Variants in ARB2A observed in about 807,000 individuals in gnomAD.
ARB2A encodes the protein cotranscriptional regulator ARB2A.
chr5:94,060,630 A>C, the ARB2A span, among the ~76,000 whole-genome samples: 3 of 152,308 alleles, frequency 2.0e-5, no homozygotes, highest in East Asian at 3.9e-4. Context: ...CAGTAAATAA[A>C]ACAGAGGTAA....
At chr5:93,695,154 G>A in the ARB2A span, among the ~76,000 whole-genome samples, 68 of 151,696 alleles carry the variant, frequency 4.5e-4, no homozygotes, top group African/African-American at 1.5e-3. Context: ...CTAAAACACC[G>A]AAAGCAATGG....
chr5:93,642,208 T>C, the ARB2A span, among the ~76,000 whole-genome samples: 6 of 151,842 alleles, frequency 4.0e-5, no homozygotes, highest in South Asian at 2.1e-4. Flanking sequence ...TTTTTTTTTT[T>C]TGGAGTAGGG....
chr5:93,828,882 T>C, the ARB2A span, among the ~76,000 whole-genome samples: 2 of 152,154 alleles, frequency 1.3e-5, no homozygotes, highest in African/African-American at 2.4e-5. Context: ...GTTCAAGCGA[T>C]TTTCCTGCCT....
the ARB2A span, among the ~76,000 whole-genome samples, chr5:93,840,827 G>A: frequency 1.3e-5 from 2 of 152,106 alleles, no homozygotes; most frequent in Non-Finnish European, 2.9e-5. Context: ...AGTCTGTGTG[G>A]TTCTAGTGTT....
chr5:94,060,698 G>C, the ARB2A span, among the ~76,000 whole-genome samples: 5 of 152,028 alleles, frequency 3.3e-5, no homozygotes, highest in Non-Finnish European at 7.4e-5. Flanking sequence ...TCTAGACAAA[G>C]ACAGTACAAA....
At chr5:93,830,313 A>ATGTGTGTGTATG in the ARB2A span, among the ~76,000 whole-genome samples, 2 of 51,362 alleles carry the variant, frequency 3.9e-5, no homozygotes, top group African/African-American at 1.0e-4. Flanking sequence ...GTGTGTGTGT[A>ATGTGTGTGTATG]TATATATATA....
the ARB2A span, among the ~76,000 whole-genome samples, chr5:93,767,361 T>C: frequency 6.6e-6 from 1 of 152,066 alleles, no homozygotes; most frequent in Non-Finnish European, 1.5e-5. Context: ...AGAACGGCCA[T>C]GATACAAAAA....
chr5:94,096,920 G>A, the ARB2A span, among the ~76,000 whole-genome samples: 1 of 152,138 alleles, frequency 6.6e-6, no homozygotes, highest in Non-Finnish European at 1.5e-5. Flanking sequence ...AAACAGGCGT[G>A]GAATGGCCTA....
the ARB2A span, among the ~76,000 whole-genome samples, chr5:93,829,911 C>T: frequency 6.6e-6 from 1 of 152,286 alleles, no homozygotes; most frequent in African/African-American, 2.4e-5. Flanking sequence ...CAGCATTCCA[C>T]TTCTTGTCTG....
chr5:94,059,043 C>T, the ARB2A span, among the ~76,000 whole-genome samples: 4 of 152,142 alleles, frequency 2.6e-5, no homozygotes, highest in African/African-American at 9.6e-5. Context: ...CAGAAGGAGA[C>T]ATCAGCACTA....
the ARB2A span, among the ~76,000 whole-genome samples, chr5:94,035,998 A>T: frequency 2.0e-5 from 3 of 151,954 alleles, no homozygotes; most frequent in Non-Finnish European, 4.4e-5. Context: ...CCCAGAACTT[A>T]AAGTATTAAA....
At chr5:94,046,457 G>A in the ARB2A span, among the ~76,000 whole-genome samples, 1 of 152,032 alleles carries the variant, frequency 6.6e-6, no homozygotes, top group East Asian at 1.9e-4. Context: ...GTGGGGTGGG[G>A]GGATAACCTT....
chr5:94,075,912 C>T, the ARB2A span, among the ~76,000 whole-genome samples: 1 of 152,100 alleles, frequency 6.6e-6, no homozygotes, highest in Non-Finnish European at 1.5e-5. Flanking sequence ...CTAAGAACTA[C>T]CGATGAGCCC....
the ARB2A span, among the ~76,000 whole-genome samples, chr5:93,940,908 G>A: frequency 6.6e-6 from 1 of 151,606 alleles, no homozygotes; most frequent in Non-Finnish European, 1.5e-5. Context: ...GAAACTCAGG[G>A]GATAAGCTGA....
At chr5:94,020,810 A>T in the ARB2A span, among the ~76,000 whole-genome samples, 18,317 of 152,226 alleles carry the variant, frequency 0.12, 1,251 homozygotes, top group Middle Eastern at 0.16. Context: ...CATTTAGATA[A>T]GATTTTGGAA....
chr5:93,827,369 T>G, the ARB2A span, among the ~76,000 whole-genome samples: 1 of 152,222 alleles, frequency 6.6e-6, no homozygotes, highest in Non-Finnish European at 1.5e-5. Flanking sequence ...TTTTTTCATG[T>G]GTCTTTTGGC....
the ARB2A span, among the ~76,000 whole-genome samples, chr5:93,860,453 T>TA: frequency 1.4e-4 from 21 of 145,348 alleles, no homozygotes; most frequent in Admixed American, 5.5e-4. Flanking sequence ...ATTCCAGAAG[T>TA]AAAAAAAAAA....
the ARB2A span, among the ~76,000 whole-genome samples, chr5:93,869,042 ATTGGGCTCAAATCTTGGT>A: frequency 6.6e-6 from 1 of 152,224 alleles, no homozygotes; most frequent in African/African-American, 2.4e-5. Flanking sequence ...TGCAGTCAGA[ATTGGGCTCAAATCTTGGT>A]TTGGTTATTC....
At chr5:94,103,908 T>C in the ARB2A span, among the ~76,000 whole-genome samples, 1 of 151,708 alleles carries the variant, frequency 6.6e-6, no homozygotes. Context: ...CCTGAATGAC[T>C]TTGGGTAAAC....
Sources: gnomAD v4.1 joint callset for allele counts (sites outside exome capture counted in the v4.1 genomes callset) on GRCh38, gnomAD v4.1.1 for gene constraint, MANE v1.5 for transcripts, NCBI Gene and HGNC (gene_info 2026-07-23, HGNC 2026-07-21) for gene names.